Variants in MAGI2 observed in about 807,000 individuals in gnomAD.
MAGI2 encodes the protein membrane-associated guanylate kinase, WW and PDZ domain-containing protein 2.
A neutral mutation model predicts 133.3 loss-of-function variants in MAGI2; 35 were observed. The observed-to-expected ratio is 0.26, with a 90% CI of 0.20 to 0.35. MAGI2 has a LOEUF of 0.35. Among genes scored for constraint, MAGI2 ranks in the 10% least tolerant of loss-of-function variants. The pLI is 1.00. For missense variants in MAGI2, 1,636 were observed against 1,863.4 expected (o/e 0.88, Z 2.25); for synonymous variants, 729 against 710.6 (o/e 1.03, Z -0.41).
At chr7:79,103,835 G>C (rs1360687395) in intron 1 of MAGI2, among the ~76,000 whole-genome samples, 1 of 151,400 alleles carries the variant, frequency 6.6e-6, no homozygotes, top group African/African-American at 2.4e-5. Context: ...GAGTAGCTGG[G>C]ACTACAGGCG....
At chr7:79,149,776 G>T (rs528809058) in intron 1 of MAGI2, among the ~76,000 whole-genome samples, 4 of 152,020 alleles carry the variant, frequency 2.6e-5, no homozygotes, top group African/African-American at 4.8e-5. Context: ...AGGACACAAG[G>T]TTTCTTTTAA....
intron 2 of MAGI2, among the ~76,000 whole-genome samples, chr7:78,707,929 A>G: frequency 6.6e-6 from 1 of 152,268 alleles, no homozygotes; most frequent in South Asian, 2.1e-4. Context: ...AAATGTAAGT[A>G]AAGGTTAGTC....
At chr7:78,658,103 T>C (rs1311064516) in intron 2 of MAGI2, among the ~76,000 whole-genome samples, 1 of 152,248 alleles carries the variant, frequency 6.6e-6, no homozygotes, top group Non-Finnish European at 1.5e-5. Context: ...TCCATGAAAC[T>C]ATTTTAACTC....
intron 1 of MAGI2, among the ~76,000 whole-genome samples, chr7:79,083,474 C>T (rs1161667230): frequency 6.0e-5 from 9 of 151,258 alleles, no homozygotes; most frequent in African/African-American, 1.9e-4. Flanking sequence ...TAGGGCATTC[C>T]ATGGATTTGA....
At chr7:78,961,231 C>T (rs1187684003) in intron 2 of MAGI2, among the ~76,000 whole-genome samples, 1 of 152,094 alleles carries the variant, frequency 6.6e-6, no homozygotes, top group Non-Finnish European at 1.5e-5. Context: ...TGATCTCTCT[C>T]CTTCTTTCCA....
At chr7:78,737,661 A>C (rs1585243030) in intron 2 of MAGI2, among the ~76,000 whole-genome samples, 1 of 152,170 alleles carries the variant, frequency 6.6e-6, no homozygotes, top group African/African-American at 2.4e-5. Context: ...GAAATTAAAT[A>C]AGTTTGCAAA....
chr7:79,117,754 G>A (rs2129544388), intron 1 of MAGI2, among the ~76,000 whole-genome samples: 1 of 152,248 alleles, frequency 6.6e-6, no homozygotes, highest in Admixed American at 6.5e-5. Context: ...CTGTTCTTAT[G>A]AATATATAGC....
chr7:79,146,561 A>G (rs1384814329), intron 1 of MAGI2, among the ~76,000 whole-genome samples: 1 of 152,178 alleles, frequency 6.6e-6, no homozygotes, highest in Non-Finnish European at 1.5e-5. Context: ...AGATAACTGA[A>G]TCATGTAGGT....
At chr7:79,311,598 T>C (rs1421586158) in intron 1 of MAGI2, among the ~76,000 whole-genome samples, 1 of 152,118 alleles carries the variant, frequency 6.6e-6, no homozygotes, top group Non-Finnish European at 1.5e-5. Context: ...CACTGCTTTA[T>C]TTGATGTTTC....
chr7:79,313,719 C>T lies in MAGI2; in HGVS notation c.301+139301G>A, dbSNP rs148119604. Among the ~76,000 whole-genome samples the T allele has an allele frequency of 2.6e-5, 4 of 152,084 alleles. No individual in the cohort carries two copies. In the East Asian group the frequency reaches 7.7e-4, roughly 29 times the overall value. On this transcript the variant is annotated intron_variant, in intron 1 of 21. Coordinates refer to ENST00000354212, the MANE Select transcript of MAGI2 (RefSeq NM_012301.4). ...TTATTTTTGAAATTCTTCAAATCAA[C>T]CTACTAATAAGATAAATGTTCATAC...
At chr7:79,013,682 A>G (rs1808409388) in intron 1 of MAGI2, among the ~76,000 whole-genome samples, 1 of 152,154 alleles carries the variant, frequency 6.6e-6, no homozygotes, top group East Asian at 1.9e-4. Context: ...TTTTAGGTAG[A>G]AATTGTGTCT....
chr7:78,948,057 T>A (rs547287432), intron 2 of MAGI2, among the ~76,000 whole-genome samples: 5 of 152,182 alleles, frequency 3.3e-5, no homozygotes, highest in Non-Finnish European at 7.4e-5. Context: ...TTATTCTAGC[T>A]TATATTTCAC....
At chr7:79,390,157 C>A (rs1263031610) in intron 1 of MAGI2, among the ~76,000 whole-genome samples, 1 of 152,138 alleles carries the variant, frequency 6.6e-6, no homozygotes, top group Admixed American at 6.5e-5. Flanking sequence ...GTCACCTTGG[C>A]CTGATGAAAT....
At chr7:79,175,834 G>T (rs187317695) in intron 1 of MAGI2, among the ~76,000 whole-genome samples, 1 of 152,002 alleles carries the variant, frequency 6.6e-6, no homozygotes, top group African/African-American at 2.4e-5. Flanking sequence ...TCCTACATGT[G>T]GTCCATTGTT....
chr7:79,370,137 T>C (rs1015529819), intron 1 of MAGI2, among the ~76,000 whole-genome samples: 3 of 152,164 alleles, frequency 2.0e-5, no homozygotes, highest in Admixed American at 2.0e-4. Context: ...ATATCTTATA[T>C]GTTTTAGCTT....
At chr7:78,700,542 A>G (rs1817960444) in intron 2 of MAGI2, among the ~76,000 whole-genome samples, 1 of 152,128 alleles carries the variant, frequency 6.6e-6, no homozygotes, top group African/African-American at 2.4e-5. Flanking sequence ...GTAAAAGTCC[A>G]TCTGACAGTG....
chr7:78,633,672 C>G (rs1182150354), intron 2 of MAGI2, among the ~76,000 whole-genome samples: 1 of 143,908 alleles, frequency 6.9e-6, no homozygotes, highest in African/African-American at 2.6e-5. Context: ...CGCCACTGCA[C>G]TCCAGCCTGG....
intron 1 of MAGI2, among the ~76,000 whole-genome samples, chr7:79,021,578 C>T (rs11978411): frequency 2.1e-3 from 318 of 152,266 alleles, no homozygotes; most frequent in African/African-American, 7.1e-3. Context: ...CTTGTTTAGG[C>T]CAATTTCTCC....
intron 1 of MAGI2, among the ~76,000 whole-genome samples, chr7:79,149,358 T>C (rs1822974632): frequency 6.6e-6 from 1 of 151,804 alleles, no homozygotes; most frequent in Non-Finnish European, 1.5e-5. Flanking sequence ...CTAACTCTAC[T>C]GGCTAAATGG....
Sources: gnomAD v4.1 joint callset for allele counts (sites outside exome capture counted in the v4.1 genomes callset) on GRCh38, gnomAD v4.1.1 for gene constraint, MANE v1.5 for transcripts, NCBI Gene and HGNC (gene_info 2026-07-23, HGNC 2026-07-21) for gene names.